The following PARD3B variants were observed in gnomAD, a reference collection of about 807,000 sequenced individuals.
PARD3B encodes the protein par-3 family cell polarity regulator beta.
Under a neutral mutation model 130.2 loss-of-function variants are expected in PARD3B, and 103 were observed. The observed-to-expected ratio is 0.79, with a 90% CI of 0.67 to 0.93. PARD3B has a LOEUF of 0.93. PARD3B is among the 40% of genes least tolerant of loss of function. PARD3B has a pLI of 0.00. For missense variants in PARD3B, 1,609 were observed against 1,499.2 expected, an observed-to-expected ratio of 1.07 and a Z score of -1.21; for synonymous variants, 583 against 553.2, an observed-to-expected ratio of 1.05 and a Z score of -0.76.
chr2:205,353,740 G>A (rs4673324), intron 18 of PARD3B, among the ~76,000 whole-genome samples: 92,032 of 152,010 alleles, frequency 0.61, 31,014 homozygotes, highest in South Asian at 0.77. Context: ...TTAAAGCTCA[G>A]TATTCTTTTC....
intron 12 of PARD3B, among the ~76,000 whole-genome samples, chr2:205,174,405 G>A (rs895832238): frequency 7.2e-5 from 11 of 152,202 alleles, no homozygotes; most frequent in East Asian, 3.9e-4. Flanking sequence ...CTTGACTCTC[G>A]GCTACTGAGC....
chr2:205,171,604 A>G (rs1447280358), intron 11 of PARD3B, among the ~76,000 whole-genome samples: 1 of 152,168 alleles, frequency 6.6e-6, no homozygotes, highest in Non-Finnish European at 1.5e-5. Context: ...AAGCTTTTCC[A>G]CCAGAAAATA....
intron 22 of PARD3B, among the ~76,000 whole-genome samples, chr2:205,594,759 C>G (rs2054509660): frequency 6.6e-6 from 1 of 152,092 alleles, no homozygotes; most frequent in Non-Finnish European, 1.5e-5. Context: ...TAAAAATGAG[C>G]CTACAGATTG....
At chr2:204,968,866 T>C (rs2125169566) in intron 3 of PARD3B, among the ~76,000 whole-genome samples, 1 of 152,366 alleles carries the variant, frequency 6.6e-6, no homozygotes, top group Non-Finnish European at 1.5e-5. Context: ...GGGGTATATA[T>C]TTTTAATTCG....
intron 10 of PARD3B, among the ~76,000 whole-genome samples, chr2:205,139,298 T>C (rs2032749910): frequency 6.6e-6 from 1 of 152,106 alleles, no homozygotes; most frequent in Non-Finnish European, 1.5e-5. Context: ...CCACAGTCAT[T>C]GTCTACTTAA....
intron 2 of PARD3B, among the ~76,000 whole-genome samples, chr2:204,869,357 A>G (rs2045548124): frequency 6.6e-6 from 1 of 152,116 alleles, no homozygotes. Context: ...TTTTGATACG[A>G]GTGATTCATA....
intron 20 of PARD3B, among the ~76,000 whole-genome samples, chr2:205,497,597 C>T (rs148792284): frequency 1.6e-4 from 25 of 152,102 alleles, no homozygotes; most frequent in African/African-American, 5.3e-4. Flanking sequence ...AAGCTCTTCA[C>T]GCTGGGGCTC....
intron 3 of PARD3B, among the ~76,000 whole-genome samples, chr2:204,996,830 A>G (rs1320366911): frequency 6.8e-6 from 1 of 146,472 alleles, no homozygotes; most frequent in Non-Finnish European, 1.5e-5. Flanking sequence ...TTCGGGTGGG[A>G]GTGACCCGAT....
intron 7 of PARD3B, among the ~76,000 whole-genome samples, chr2:205,119,250 TA>T (rs1441483545): frequency 6.6e-6 from 1 of 152,196 alleles, no homozygotes; most frequent in Non-Finnish European, 1.5e-5. Context: ...CTGAGAATGC[TA>T]AACTACAGAA....
intron 22 of PARD3B, among the ~76,000 whole-genome samples, chr2:205,566,772 T>A (rs748032028): frequency 1.2e-4 from 18 of 152,034 alleles, no homozygotes; most frequent in Non-Finnish European, 2.4e-4. Flanking sequence ...AACCACAGAG[T>A]CGCATACTCA....
At chr2:204,901,909 G>C (rs1335866075) in intron 2 of PARD3B, among the ~76,000 whole-genome samples, 1 of 152,138 alleles carries the variant, frequency 6.6e-6, no homozygotes, top group Admixed American at 6.5e-5. Flanking sequence ...GCTATGCCCT[G>C]GAGTGGGGGT....
chr2:205,583,369 CCTA>C (rs1473373967), intron 22 of PARD3B, among the ~76,000 whole-genome samples: 2 of 117,336 alleles, frequency 1.7e-5, no homozygotes, highest in African/African-American at 6.5e-5. Context: ...TCTCTCTCCT[CCTA>C]AGCTCTGTGT....
chr2:205,266,464 G>A (rs1279540224), intron 16 of PARD3B, among the ~76,000 whole-genome samples: 1 of 152,084 alleles, frequency 6.6e-6, no homozygotes, highest in Non-Finnish European at 1.5e-5. Context: ...TGGAGTCATA[G>A]CAACTTGTTG....
At chr2:205,189,340 A>G (rs2036268511) in intron 14 of PARD3B, among the ~76,000 whole-genome samples, 1 of 152,134 alleles carries the variant, frequency 6.6e-6, no homozygotes. Flanking sequence ...GCTCTTATAC[A>G]TCTTTTACAT....
intron 16 of PARD3B, among the ~76,000 whole-genome samples, chr2:205,278,113 A>C (rs1362083279): frequency 6.6e-6 from 1 of 152,180 alleles, no homozygotes; most frequent in African/African-American, 2.4e-5. Flanking sequence ...ATCAAACAAA[A>C]TAAGGACTGA....
In PARD3B at chr2:205,172,223, C is replaced by G; in HGVS notation, c.1633C>G (p.Arg545Gly). Residue 545 changes from arginine to glycine, a missense_variant, in exon 12 of 23, where the codon CGA becomes GGA. By Grantham distance (125) the Arg-to-Gly change is moderately radical. Coordinates refer to ENST00000406610, the MANE Select transcript of PARD3B (RefSeq NM_001302769.2). The part of the protein sequence containing the change: ...GGAAFKDGRL[R>G]MNDQLIAVNG... ...TCTTCTGCCTTAGGATGGTCGTCTGCGAATGAATGACCAGCTGATTGCAGT... is the reference window on the plus strand; with the variant it reads ...TCTTCTGCCTTAGGATGGTCGTCTGGGAATGAATGACCAGCTGATTGCAGT... The G allele has an allele frequency of 6.2e-7, 1 of 1,613,972 alleles. No individual in the cohort carries two copies. The highest frequency in any genetic ancestry group is 8.5e-7 in the Non-Finnish European group (1 of 1,179,904).
intron 2 of PARD3B, among the ~76,000 whole-genome samples, chr2:204,765,004 G>A (rs892851626): frequency 2.0e-5 from 3 of 151,984 alleles, no homozygotes; most frequent in African/African-American, 7.2e-5. Flanking sequence ...AAATTTACAG[G>A]TCATCTGGAT....
At chr2:204,607,122 G>T (rs568032173) in intron 1 of PARD3B, among the ~76,000 whole-genome samples, 12 of 152,132 alleles carry the variant, frequency 7.9e-5, no homozygotes, top group African/African-American at 2.9e-4. Context: ...CAAGTTAAGC[G>T]TGTTTAATAA....
At chr2:205,438,867 A>G (rs1381104127) in intron 19 of PARD3B, among the ~76,000 whole-genome samples, 1 of 152,110 alleles carries the variant, frequency 6.6e-6, no homozygotes, top group Admixed American at 6.5e-5. Context: ...ATATCCTGGC[A>G]TTTGTTTTCA....
Sources: gnomAD v4.1 joint callset for allele counts (sites outside exome capture counted in the v4.1 genomes callset) on GRCh38, gnomAD v4.1.1 for gene constraint, MANE v1.5 for transcripts, NCBI Gene and HGNC (gene_info 2026-07-23, HGNC 2026-07-21) for gene names.